TNRC18: variants seen among roughly 807,000 people sequenced by gnomAD.
TNRC18 encodes trinucleotide repeat containing 18.
A neutral mutation model predicts 226.7 loss-of-function variants in TNRC18; 69 were observed. The observed-to-expected ratio is 0.30, with a 90% CI of 0.25 to 0.37. TNRC18 has a LOEUF of 0.37. Ranked by LOEUF, TNRC18 falls within the 10% of genes least tolerant of loss-of-function variation. The pLI is 1.00. For synonymous variants in TNRC18, 2,449 were observed against 1,927.6 expected (o/e 1.27, Z -7.09); for missense variants, 4,754 against 4,256.6 (o/e 1.12, Z -3.25).
chr7:5,388,158 C>A lies in TNRC18; in HGVS notation c.1666G>T (p.Ala556Ser). The A allele has an allele frequency of 6.4e-7, 1 of 1,571,300 alleles. No individual in the cohort carries two copies. Among genetic ancestry groups the A allele is most frequent in the Non-Finnish European group, 8.6e-7 (1 of 1,160,256 alleles). Residue 556 changes from alanine to serine, a missense_variant, in exon 5 of 30, where the codon GCT becomes TCT. By Grantham distance (99) the Ala-to-Ser change is moderately conservative. Coordinates refer to ENST00000430969, the MANE Select transcript of TNRC18 (RefSeq NM_001080495.3). ...SSKKAYLDPG[A>S]VLPRSAATCG... is the part of the protein sequence containing the mutation. ...GTGGCCGCCGAGCGGGGCAGCACAG[C>A]CCCAGGGTCCAGGTAGGCCTTCTTG...
intron 18 of TNRC18, among the ~76,000 whole-genome samples, chr7:5,334,287 T>C (rs1038172294): frequency 2.1e-5 from 3 of 141,650 alleles, no homozygotes; most frequent in Non-Finnish European, 3.1e-5. Context: ...GTAATAATCC[T>C]ATTAATTAAC....
rs1779049143 is a variant in TNRC18 at position 5,377,263 on chromosome 7, G to GC, written c.2461+107dup. 2 of 1,259,844 alleles carry GC rather than the reference G, an allele frequency of 1.6e-6. No homozygotes were observed. Among genetic ancestry groups the GC allele is most frequent in the Non-Finnish European group, 2.2e-6 (2 of 927,548 alleles). 78.0% of individuals were successfully genotyped at this position (1,259,844 alleles called of 1,614,324 possible). ...CGACGAATGCGGGAGGCAGGCCCAG[G>GC]CCCCCCAGGAAACGGCAGGCAGGAG... On this transcript the variant is annotated intron_variant, in intron 7 of 29. Coordinates refer to ENST00000430969, the MANE Select transcript of TNRC18 (RefSeq NM_001080495.3). This position sits in a 1 kb window ranked among gnomAD's most constrained non-coding sequence, Gnocchi z 5.8.
intron 2 of TNRC18, among the ~76,000 whole-genome samples, chr7:5,408,736 A>C (rs570090911): frequency 2.0e-5 from 3 of 152,282 alleles, no homozygotes; most frequent in African/African-American, 7.2e-5. Context: ...GAAAAGAAAC[A>C]CTTAGGCTTG....
At position 5,332,883 on chromosome 7, in the gene TNRC18, C is replaced by T; in HGVS notation, c.5886G>A (p.Lys1962=). The change falls in exon 19 of 30, where the codon AAG becomes AAA. Residue 1962 remains lysine, a synonymous_variant. Coordinates refer to ENST00000430969, the MANE Select transcript of TNRC18 (RefSeq NM_001080495.3). The stretch of plus-strand genomic sequence containing the variant: ...CCTTGCGCCCCTTCTCCACCGCCAG[C>T]TTGGCCTTGTCTGGGCTGCTGGGGT... ...GPDPSSPDKA[K]LAVEKGRKAR... 1 of 1,523,148 alleles carries T rather than the reference C, an allele frequency of 6.6e-7. No individual in the cohort carries two copies. The highest frequency in any genetic ancestry group is 8.7e-7 in the Non-Finnish European group (1 of 1,143,980). The allele number at this position is 1,523,148 out of a possible 1,614,324, so 94.4% of individuals were successfully genotyped here. A position where few individuals can be genotyped will look rare whatever the true frequency, so the allele number is the denominator to read the frequency against.
chr7:5,379,718 G>A (rs1320628481), intron 5 of TNRC18, among the ~76,000 whole-genome samples: 1 of 152,236 alleles, frequency 6.6e-6, no homozygotes, highest in African/African-American at 2.4e-5. Context: ...GAAGGCCCGG[G>A]AATGGGAGGA....
intron 2 of TNRC18, among the ~76,000 whole-genome samples, chr7:5,396,957 G>A (rs540928771): frequency 6.6e-6 from 1 of 152,334 alleles, no homozygotes; most frequent in African/African-American, 2.4e-5. Context: ...ATCTTCTTTG[G>A]GGTACATGTG....
intron 17 of TNRC18, 42 bp from the exon 18 acceptor site, chr7:5,345,852 T>C: frequency 6.6e-7 from 1 of 1,513,172 alleles, no homozygotes; most frequent in Non-Finnish European, 8.8e-7. Context: ...GCCTTGGCCT[T>C]GGCGAGGGCC....
At chr7:5,400,463 A>G (rs1235901658) in intron 2 of TNRC18, among the ~76,000 whole-genome samples, 1 of 152,060 alleles carries the variant, frequency 6.6e-6, no homozygotes, top group Non-Finnish European at 1.5e-5. Flanking sequence ...TACAAAAATT[A>G]GCCGGGCATG....
chr7:5,389,381 C>T (rs759648737), intron 4 of TNRC18, 45 bp from the exon 5 acceptor site: 13 of 1,233,002 alleles, frequency 1.1e-5, no homozygotes, highest in African/African-American at 1.6e-5. Flanking sequence ...GCCACCTCCC[C>T]TCCCACCCCT....
In TNRC18 at chr7:5,357,118, C is replaced by T. The variant is rs1256532835; in HGVS notation, c.4992G>A (p.Arg1664=). ...GCAGGCTGTCGTAAGGAGTCAAGTA[C>T]CTGCCGCAGCCCCCGCTAGTTTTCG... ...GKSKTSGGCG[R]YLTPYDSLLG... The change falls in exon 16 of 30, where the codon AGG becomes AGA. Residue 1664 remains arginine (R), a synonymous_variant. Transcript: ENST00000430969. 6.4e-7 allele frequency: 1 copy of T among 1,554,170 alleles called. No homozygotes were observed. Among genetic ancestry groups the T allele is most frequent in the Non-Finnish European group, 8.7e-7 (1 of 1,148,110 alleles).
rs1345318860 is a variant in TNRC18 at position 5,377,363 on chromosome 7, A to G, written c.2461+8T>C. 5 of 1,001,346 alleles carry G rather than the reference A, an allele frequency of 5.0e-6. No individual in the cohort carries two copies. In the East Asian group the frequency reaches 2.6e-4, roughly 52 times the overall value. The allele number at this position is 1,001,346 out of a possible 1,614,324, so 62.0% of individuals were successfully genotyped here. ...GAGAAGGGGAGAGACCCTGTGCCCC[A>G]CACTCACCGTAGGGGTGTCCAGCGA... On this transcript the variant is annotated splice_region_variant and intron_variant, in intron 7 of 29. Transcript: ENST00000430969. This position sits in a 1 kb window ranked among gnomAD's most constrained non-coding sequence, Gnocchi z 5.8.
intron 8 of TNRC18, 90 bp downstream of exon 8, chr7:5,376,757 A>G (rs958370261): frequency 2.3e-5 from 35 of 1,492,186 alleles, no homozygotes; most frequent in Non-Finnish European, 3.2e-5. Context: ...GCCGGCCGCC[A>G]CCCCTCAGCA....
chr7:5,385,511 A>G (rs1342960502), intron 5 of TNRC18, among the ~76,000 whole-genome samples: 10 of 147,622 alleles, frequency 6.8e-5, no homozygotes, highest in African/African-American at 1.3e-4. Context: ...AAAAAAAAAA[A>G]AAAAAAGAAA....
Position 5,332,633 on chromosome 7 carries a change from C to T in TNRC18, c.6136G>A (p.Asp2046Asn), listed in dbSNP as rs1326041131. Residue 2046 changes from aspartate (D) to asparagine (N), a missense_variant, in exon 19 of 30, where the codon GAC becomes AAC. Coordinates refer to ENST00000430969, the MANE Select transcript of TNRC18 (RefSeq NM_001080495.3). ...AGCGCGGCCCCTACCTTCCTGGGGT[C>T]CTTCCTGTCCTTTGCACGCCCGGCG... ...KDAGRAKDRK[D>N]PRKKKKGKEA... is the part of the protein sequence containing the mutation. 10 of 1,529,194 alleles carry T rather than the reference C, an allele frequency of 6.5e-6. No individual in the cohort carries two copies. The highest frequency in any genetic ancestry group is 8.8e-6 in the Non-Finnish European group (10 of 1,139,856). 94.7% of individuals were successfully genotyped at this position (1,529,194 alleles called of 1,614,324 possible).
chr7:5,310,665 G>A (rs745537121), intron 27 of TNRC18, among the ~76,000 whole-genome samples: 3 of 152,238 alleles, frequency 2.0e-5, no homozygotes, highest in Non-Finnish European at 2.9e-5. Flanking sequence ...CTCCCAAAGT[G>A]CTGGGATTAC....
chr7:5,381,666 G>T (rs1479002234), intron 5 of TNRC18, among the ~76,000 whole-genome samples: 1 of 152,118 alleles, frequency 6.6e-6, no homozygotes, highest in Non-Finnish European at 1.5e-5. Context: ...AAGACTGAAA[G>T]AAAGAAAAGT....
At chr7:5,401,019 C>CAAG (rs1781048712) in intron 2 of TNRC18, among the ~76,000 whole-genome samples, 1 of 152,062 alleles carries the variant, frequency 6.6e-6, no homozygotes, top group South Asian at 2.1e-4. Flanking sequence ...GGAGACAGAG[C>CAAG]AAGACCCTGT....
intron 18 of TNRC18, 26 bp downstream of exon 18, chr7:5,345,517 GCCCCTCCCACCCACCCCCA>G: frequency 2.6e-6 from 1 of 377,742 alleles, no homozygotes; most frequent in Non-Finnish European, 4.8e-6. Flanking sequence ...AATGGCGTCC[GCCCCTCCCACCCACCCCCA>G]CCGCAGCCCA....
At chr7:5,355,400 G>A (rs1792253918) in intron 16 of TNRC18, among the ~76,000 whole-genome samples, 1 of 152,212 alleles carries the variant, frequency 6.6e-6, no homozygotes, top group Non-Finnish European at 1.5e-5. Flanking sequence ...GGCTGAGGCA[G>A]GAGGATCTCT....
Sources: gnomAD v4.1 joint callset for allele counts (sites outside exome capture counted in the v4.1 genomes callset) on GRCh38, gnomAD v4.1.1 for gene constraint, Gnocchi (gnomAD v3.1) non-coding constraint, MANE v1.5 for transcripts, NCBI Gene and HGNC (gene_info 2026-07-23, HGNC 2026-07-21) for gene names.